The following RERE variants were observed in gnomAD, a reference collection of about 807,000 sequenced individuals.
RERE encodes arginine-glutamic acid dipeptide repeats, also known as arginine-glutamic acid dipeptide repeats protein.
Under a neutral mutation model 146.1 loss-of-function variants are expected in RERE, and 40 were observed. That is an observed-to-expected ratio of 0.27 (90% CI 0.21 to 0.36). The LOEUF is 0.36. RERE is among the 10% of genes least tolerant of loss of function. The pLI is 1.00. For missense variants in RERE, 1,933 were observed against 2,138.7 expected, an observed-to-expected ratio of 0.90 and a Z score of 1.90; for synonymous variants, 1,003 against 866.0, an observed-to-expected ratio of 1.16 and a Z score of -2.78.
chr1:8,453,883 T>C (rs1644418964), intron 11 of RERE, among the ~76,000 whole-genome samples: 2 of 152,212 alleles, frequency 1.3e-5, no homozygotes, highest in South Asian at 2.1e-4. Flanking sequence ...CTTAGCTCTG[T>C]CACCCTAATT....
intron 2 of RERE, among the ~76,000 whole-genome samples, chr1:8,654,710 T>TA (rs769032916): frequency 6.6e-5 from 10 of 151,620 alleles, no homozygotes; most frequent in Non-Finnish European, 1.3e-4. Context: ...CATGCTTCAC[T>TA]ACAGCCTCGA....
chr1:8,417,267 G>C (rs1042666139), intron 12 of RERE, among the ~76,000 whole-genome samples: 1 of 152,116 alleles, frequency 6.6e-6, no homozygotes, highest in Non-Finnish European at 1.5e-5. Flanking sequence ...TTTCTCAATA[G>C]CATTTATTCT....
intron 4 of RERE, among the ~76,000 whole-genome samples, chr1:8,565,313 CAATTAT>C (rs1646140611): frequency 6.6e-6 from 1 of 152,070 alleles, no homozygotes; most frequent in Non-Finnish European, 1.5e-5. Flanking sequence ...TACATATATA[CAATTAT>C]AAGTTGTCAG....
intron 1 of RERE, among the ~76,000 whole-genome samples, chr1:8,799,812 G>A (rs757010579): frequency 9.1e-5 from 13 of 142,698 alleles, no homozygotes; most frequent in South Asian, 4.6e-4. Flanking sequence ...TTTGGTTTTG[G>A]TTTTTTTGCT....
chr1:8,671,558 C>T (rs1393803972), intron 1 of RERE, among the ~76,000 whole-genome samples: 1 of 152,154 alleles, frequency 6.6e-6, no homozygotes, highest in African/African-American at 2.4e-5. Context: ...TCCTTCTGGG[C>T]TAACGAATTA....
At chr1:8,480,128 GT>G (rs112068785) in intron 10 of RERE, among the ~76,000 whole-genome samples, 77,914 of 134,752 alleles carry the variant, frequency 0.58, 22,520 homozygotes, top group East Asian at 0.82. Context: ...GCCTTTTTTT[GT>G]TTTTTTTTTT....
chr1:8,519,448 A>G (rs1008854608), intron 7 of RERE, among the ~76,000 whole-genome samples: 1 of 152,168 alleles, frequency 6.6e-6, no homozygotes, highest in African/African-American at 2.4e-5. Context: ...AAATTTTAAA[A>G]ATAAGTTTCA....
Position 8,366,936 on chromosome 1 carries a change from A to C in RERE, c.1285-962T>G, listed in dbSNP as rs985721727. Among the ~76,000 whole-genome samples, 27 of 150,480 alleles carry C rather than the reference A, an allele frequency of 1.8e-4. 3 individuals are homozygous for C. Among genetic ancestry groups the C allele is most frequent in the African/African-American group, 6.4e-4 (26 of 40,546 alleles). ...AAAAACAAAAAAAAAAAACAAAAAA[A>C]AAAAACCCAAAAAACAAACACAGCC... On this transcript the variant is annotated intron_variant, in intron 12 of 22. Transcript: ENST00000400908.
intron 2 of RERE, among the ~76,000 whole-genome samples, chr1:8,633,265 T>A (rs2401137): frequency 0.59 from 89,862 of 151,900 alleles, 27,159 homozygotes; most frequent in East Asian, 0.83. Context: ...ACAAAAAAAA[T>A]TTTTTTAAAT....
intron 6 of RERE, among the ~76,000 whole-genome samples, chr1:8,546,417 C>T (rs1334258286): frequency 3.3e-5 from 5 of 151,954 alleles, no homozygotes; most frequent in Non-Finnish European, 7.4e-5. Flanking sequence ...TCTTTGTTTT[C>T]CTTAGTAAAC....
chr1:8,496,089 G>A (rs1272392285), intron 9 of RERE, among the ~76,000 whole-genome samples: 5 of 150,424 alleles, frequency 3.3e-5, no homozygotes, highest in African/African-American at 1.2e-4. Flanking sequence ...CTTGAGCCCA[G>A]GAGGTTAAGG....
intron 7 of RERE, among the ~76,000 whole-genome samples, chr1:8,534,123 G>A (rs1287399920): frequency 6.6e-6 from 1 of 152,142 alleles, no homozygotes; most frequent in Non-Finnish European, 1.5e-5. Context: ...GAGTGGAAAA[G>A]GGAACTGTTA....
intron 1 of RERE, among the ~76,000 whole-genome samples, chr1:8,802,382 T>C (rs1277338891): frequency 6.6e-6 from 1 of 152,232 alleles, no homozygotes; most frequent in Non-Finnish European, 1.5e-5. Flanking sequence ...AGAGATCTTT[T>C]TTAAAAAGAA....
chr1:8,422,718 T>G lies in RERE; in HGVS notation c.1284+9A>C, dbSNP rs771504224. 6 of 1,598,934 alleles carry G rather than the reference T, an allele frequency of 3.8e-6. No homozygotes were observed. The highest frequency in any genetic ancestry group is 1.7e-4 in the Middle Eastern group (1 of 6,016). On this transcript the variant is annotated intron_variant, in intron 12 of 22. Coordinates refer to ENST00000400908, the MANE Select transcript of RERE (RefSeq NM_001042681.2). ...AAAATCAAGTTACATAAAGTCCAATTGTACTCACTGTTTCCTTATTGGGAA... is the reference window on the plus strand; with the variant it reads ...AAAATCAAGTTACATAAAGTCCAATGGTACTCACTGTTTCCTTATTGGGAA...
chr1:8,372,024 C>T (rs1409886248), intron 12 of RERE, among the ~76,000 whole-genome samples: 1 of 152,236 alleles, frequency 6.6e-6, no homozygotes, highest in Non-Finnish European at 1.5e-5. Flanking sequence ...TAATTTCCCA[C>T]AGGCAGTGGA....
chr1:8,633,145 C>T (rs1185408005), intron 2 of RERE, among the ~76,000 whole-genome samples: 1 of 152,186 alleles, frequency 6.6e-6, no homozygotes, highest in East Asian at 1.9e-4. Context: ...TATGGCCAAG[C>T]TTAGTGGCTC....
chr1:8,663,879 G>A (rs1000323405), intron 1 of RERE, among the ~76,000 whole-genome samples: 2 of 151,966 alleles, frequency 1.3e-5, no homozygotes, highest in South Asian at 2.1e-4. Context: ...TGGGAATACT[G>A]TTCCCCGCCC....
intron 7 of RERE, among the ~76,000 whole-genome samples, chr1:8,524,084 A>C (rs890450422): frequency 6.6e-6 from 1 of 152,214 alleles, no homozygotes; most frequent in African/African-American, 2.4e-5. Flanking sequence ...TTTTATTAAA[A>C]GAAGCAGGAA....
chr1:8,562,573 C>T lies in RERE; in HGVS notation c.523-5050G>A, dbSNP rs190380938. Among the ~76,000 whole-genome samples, 13 of 152,292 alleles carry T rather than the reference C, an allele frequency of 8.5e-5. No individual in the cohort carries two copies. In the East Asian group the frequency reaches 1.9e-3, roughly 23 times the overall value. Reference sequence around the variant, plus strand: ...GCACCATCATGGCTCACTGCAGCCTCGACCTCCCAGGCTCAAGTGATCCTC... The same window carrying T: ...GCACCATCATGGCTCACTGCAGCCTTGACCTCCCAGGCTCAAGTGATCCTC... On this transcript the variant is annotated intron_variant, in intron 4 of 22. Coordinates refer to ENST00000400908, the MANE Select transcript of RERE (RefSeq NM_001042681.2).
Sources: gnomAD v4.1 joint callset for allele counts (sites outside exome capture counted in the v4.1 genomes callset) on GRCh38, gnomAD v4.1.1 for gene constraint, MANE v1.5 for transcripts, NCBI Gene and HGNC (gene_info 2026-07-23, HGNC 2026-07-21) for gene names.